The following PHF11 variants were observed in gnomAD, a reference collection of about 807,000 sequenced individuals.
The protein encoded by PHF11 is BRCA1 C-terminus-associated protein.
In PHF11, 38 loss-of-function variants were observed where a neutral mutation model predicts 40.5. The observed-to-expected ratio is 0.94, with a 90% CI of 0.72 to 1.23. PHF11 has a LOEUF of 1.23. Among genes scored for constraint, PHF11 ranks in the 50% most tolerant of loss-of-function variants. The pLI is 0.00. For missense variants in PHF11, 369 were observed against 392.4 expected (o/e 0.94, Z 0.50); for synonymous variants, 127 against 138.2 (o/e 0.92, Z 0.57).
At position 49,526,396 on chromosome 13, in the gene PHF11, A is replaced by T. The variant is rs1351017955; in HGVS notation, c.779A>T (p.Glu260Val). The T allele has an allele frequency of 6.2e-7, 1 of 1,607,162 alleles. No individual in the cohort carries two copies. The highest frequency in any genetic ancestry group is 2.2e-5 in the East Asian group (1 of 44,844). ...DETTSESDYE[E>V]IGSALFDCRL... ...GTTTCTCTCCCTCCAGACTATGAAG[A>T]AATCGGGAGTGCACTTTTTGACTGT... Residue 260 changes from glutamate to valine, a missense_variant, in exon 9 of 10, where the codon GAA becomes GTA. Transcript: ENST00000378319.
At chr13:49,512,299 G>A (rs1255654458) in intron 2 of PHF11, among the ~76,000 whole-genome samples, 1 of 152,176 alleles carries the variant, frequency 6.6e-6, no homozygotes, top group Non-Finnish European at 1.5e-5. Context: ...GATATGTATT[G>A]TGAATATTTT....
intron 5 of PHF11, 174 bp from the exon 6 acceptor site, chr13:49,521,869 A>T (rs1262461837): frequency 4.9e-6 from 2 of 411,404 alleles, no homozygotes; most frequent in African/African-American, 4.2e-5. Context: ...TTAAACTTAT[A>T]ATATCTTTTT....
intron 8 of PHF11, 30 bp downstream of exon 8, chr13:49,524,246 T>C (rs775045873): frequency 1.3e-6 from 2 of 1,538,380 alleles, no homozygotes; most frequent in Admixed American, 1.9e-5. Context: ...TTTCGAAGTA[T>C]AGAGACTTCT....
Position 49,502,408 on chromosome 13 carries a change from G to C in PHF11, c.95-4227G>C, listed in dbSNP as rs190872406. Reference sequence around the variant, plus strand: ...CAAGAGCAGAAATCATAAAATAAATGATTGTTGTAATTTCATCAAGTAAAA... The same window carrying C: ...CAAGAGCAGAAATCATAAAATAAATCATTGTTGTAATTTCATCAAGTAAAA... On this transcript the variant is annotated intron_variant, in intron 1 of 9. Coordinates refer to ENST00000378319, the MANE Select transcript of PHF11 (RefSeq NM_001040443.3). Among the ~76,000 whole-genome samples, 134 of 152,272 alleles carry C rather than the reference G, an allele frequency of 8.8e-4. 1 individual carries two copies. The highest frequency in any genetic ancestry group is 1.5e-4 in the Non-Finnish European group (10 of 68,012).
rs1491587127 is a variant in PHF11, at chr13:49,501,017, G to GTTTTTTTT, written c.94+4926_94+4933dup. 4.5e-4 allele frequency among the ~76,000 whole-genome samples: 49 copies of GTTTTTTTT among 108,826 alleles called. 6 individuals carry two copies. The highest frequency in any genetic ancestry group is 6.7e-4 in the African/African-American group (16 of 24,000). 71.4% of individuals were successfully genotyped at this position (108,826 alleles called of 152,430 possible). On this transcript the variant is annotated intron_variant, in intron 1 of 9. Coordinates refer to ENST00000378319, the MANE Select transcript of PHF11 (RefSeq NM_001040443.3). ...CAACTTTTGTTTTTTTTTTTTTTTG[G>GTTTTTTTT]TTTTTTTTTTTCTGAAATGGAGTTT...
intron 2 of PHF11, among the ~76,000 whole-genome samples, chr13:49,508,160 ATATGTATTAATATATTATTAATGCAG>A (rs1228518241): frequency 2.2e-5 from 3 of 137,588 alleles, no homozygotes; most frequent in Admixed American, 8.0e-5. Flanking sequence ...TTCATATATT[ATATGTATTAATATATTATTAATGCAG>A]TATGTATTAA....
chr13:49,519,094 C>G (rs1594216952), intron 4 of PHF11, among the ~76,000 whole-genome samples: 1 of 152,258 alleles, frequency 6.6e-6, no homozygotes, highest in East Asian at 1.9e-4. Flanking sequence ...CTCGGCCTCC[C>G]AAAGTGCTGG....
chr13:49,525,165 C>CTT (rs1411805092), intron 8 of PHF11, among the ~76,000 whole-genome samples: 2 of 152,158 alleles, frequency 1.3e-5, no homozygotes, highest in Non-Finnish European at 2.9e-5. Flanking sequence ...TAAAGATGTA[C>CTT]TTTGTTAAAG....
At chr13:49,507,477 C>T (rs188060187) in intron 2 of PHF11, among the ~76,000 whole-genome samples, 42 of 152,298 alleles carry the variant, frequency 2.8e-4, no homozygotes, top group African/African-American at 9.6e-4. Context: ...GTCTAGGTCT[C>T]CTTCTCATGT....
rs1566196741 is a variant in PHF11, at chr13:49,522,760, TTTTTTTG to T, written c.571-408_571-402del. On this transcript the variant is annotated intron_variant, in intron 6 of 9. Coordinates refer to ENST00000378319, the MANE Select transcript of PHF11 (RefSeq NM_001040443.3). Reference sequence around the variant, plus strand: ...TTTACATCTAAATATGAATATGGGGTTTTTTTGTTTTTTTTTTTTTTTGAGACAGAGT... The same window carrying T: ...TTTACATCTAAATATGAATATGGGGTTTTTTTTTTTTTTTTGAGACAGAGT... Among the ~76,000 whole-genome samples the T allele has an allele frequency of 3.3e-4, 10 of 30,546 alleles. 1 individual carries two copies. The highest frequency in any genetic ancestry group is 4.8e-4 in the Non-Finnish European group (6 of 12,454). 20.0% of individuals were successfully genotyped at this position (30,546 alleles called of 152,430 possible).
At chr13:49,504,640 G>A (rs1258801460) in intron 1 of PHF11, among the ~76,000 whole-genome samples, 5 of 150,398 alleles carry the variant, frequency 3.3e-5, no homozygotes, top group Admixed American at 6.6e-5. Context: ...GGAGGTGAGA[G>A]GCGCCTCTGC....
intron 9 of PHF11, 124 bp from the exon 10 acceptor site, chr13:49,528,387 C>A: frequency 1.5e-6 from 1 of 655,478 alleles, no homozygotes; most frequent in Non-Finnish European, 2.5e-6. Context: ...GGCTCTGGAT[C>A]CTTTTCACCA....
At chr13:49,518,991 A>G (rs1437417129) in intron 4 of PHF11, among the ~76,000 whole-genome samples, 1 of 151,314 alleles carries the variant, frequency 6.6e-6, no homozygotes, top group Non-Finnish European at 1.5e-5. Context: ...GCCCGCTACC[A>G]CGCCCGGCTA....
At chr13:49,517,671 C>T (rs915081197) in intron 3 of PHF11, among the ~76,000 whole-genome samples, 3 of 152,102 alleles carry the variant, frequency 2.0e-5, no homozygotes, top group African/African-American at 7.2e-5. Context: ...CTAGTGGGGC[C>T]CCTTGCCTGG....
At chr13:49,522,398 C>T (rs1044088484) in intron 6 of PHF11, among the ~76,000 whole-genome samples, 2 of 152,118 alleles carry the variant, frequency 1.3e-5, no homozygotes, top group African/African-American at 2.4e-5. Flanking sequence ...TGACATTCTC[C>T]GAGCTCCTAT....
At chr13:49,503,998 A>G (rs913974850) in intron 1 of PHF11, among the ~76,000 whole-genome samples, 8 of 152,122 alleles carry the variant, frequency 5.3e-5, no homozygotes, top group Non-Finnish European at 8.8e-5. Flanking sequence ...TTCTGGGATT[A>G]TAGGCGTGAG....
intron 1 of PHF11, among the ~76,000 whole-genome samples, chr13:49,501,016 GGTTT>G (rs1958897898): frequency 1.3e-5 from 1 of 77,534 alleles, no homozygotes; most frequent in Admixed American, 1.4e-4. Flanking sequence ...TTTTTTTTTT[GGTTT>G]TTTTTTTTCT....
Position 49,521,969 on chromosome 13 carries a change from TTG to T in PHF11, c.506-72_506-71del, listed in dbSNP as rs561570654. ...TTTGTAAAAACTTTTGGCATATGAG[TTG>T]TATATTTCATGTAGTCAAACAGTAA... On this transcript the variant is annotated intron_variant, in intron 5 of 9. Coordinates refer to ENST00000378319, the MANE Select transcript of PHF11 (RefSeq NM_001040443.3). 177 of 736,122 alleles carry T rather than the reference TTG, an allele frequency of 2.4e-4. No homozygotes were observed. In the African/African-American group the frequency reaches 3.0e-3, roughly 12 times the overall value. The allele number at this position is 736,122 out of a possible 1,614,324, so 45.6% of individuals were successfully genotyped here.
chr13:49,497,326 G>A, intron 1 of PHF11: 4 of 599,068 alleles, frequency 6.7e-6, no homozygotes, highest in South Asian at 3.0e-5. Context: ...ATGTCCCAAA[G>A]AGAATTCTTG....
Sources: gnomAD v4.1 joint callset for allele counts (sites outside exome capture counted in the v4.1 genomes callset) on GRCh38, gnomAD v4.1.1 for gene constraint, MANE v1.5 for transcripts, NCBI Gene and HGNC (gene_info 2026-07-23, HGNC 2026-07-21) for gene names.